Variants in C1GALT1 observed in about 807,000 individuals in gnomAD.
C1GALT1 encodes the protein glycoprotein-N-acetylgalactosamine 3-beta-galactosyltransferase 1.
A neutral mutation model predicts 31.0 loss-of-function variants in C1GALT1; 11 were observed. The observed-to-expected ratio is 0.36, with a 90% CI of 0.22 to 0.59. C1GALT1 has a LOEUF of 0.59. Among genes scored for constraint, C1GALT1 ranks in the 20% least tolerant of loss-of-function variants. The pLI is 0.79. For missense variants in C1GALT1, 424 were observed against 425.2 expected, an observed-to-expected ratio of 1.00 and a Z score of 0.03; for synonymous variants, 175 against 143.6, an observed-to-expected ratio of 1.22 and a Z score of -1.56.
rs140215738 is a variant in C1GALT1 at position 7,160,086 on chromosome 7, G to A, written c.-18+2660G>A. ...ATAAGTAAAACTAGTTAAATTTCCTGATTCTTACTCTTTCCCTCAGCTCTT... is the reference window on the plus strand; with the variant it reads ...ATAAGTAAAACTAGTTAAATTTCCTAATTCTTACTCTTTCCCTCAGCTCTT... On this transcript the variant is annotated intron_variant, in intron 2 of 3. Coordinates refer to the C1GALT1 transcript ENST00000429911. 4.4e-3 allele frequency among the ~76,000 whole-genome samples: 663 copies of A among 152,162 alleles called. 4 individuals carry two copies. Among genetic ancestry groups the A allele is most frequent in the African/African-American group, 0.015 (624 of 41,514 alleles).
At chr7:7,233,520 G>A (rs1261963165) in intron 1 of C1GALT1, among the ~76,000 whole-genome samples, 1 of 152,086 alleles carries the variant, frequency 6.6e-6, no homozygotes, top group Non-Finnish European at 1.5e-5. Flanking sequence ...TGATCCACCC[G>A]CCTTGGCCTC....
At chr7:7,192,264 C>G (rs1168098642) in intron 1 of C1GALT1, among the ~76,000 whole-genome samples, 2 of 151,870 alleles carry the variant, frequency 1.3e-5, no homozygotes, top group Non-Finnish European at 2.9e-5. Flanking sequence ...TACACAGTAC[C>G]CAATGTGTAG....
chr7:7,190,937 CATT>C (rs1223123653), intron 1 of C1GALT1, among the ~76,000 whole-genome samples: 1 of 152,078 alleles, frequency 6.6e-6, no homozygotes, highest in East Asian at 1.9e-4. Context: ...AAATCAACAT[CATT>C]ATCATTGATA....
At chr7:7,207,923 C>T (rs1034517182) in intron 1 of C1GALT1, among the ~76,000 whole-genome samples, 86 of 152,068 alleles carry the variant, frequency 5.7e-4, no homozygotes, top group Non-Finnish European at 8.8e-5. Context: ...CTCTTTATCC[C>T]TGCTTCCACT....
At chr7:7,203,828 ATCC>A (rs1315699548) in intron 1 of C1GALT1, among the ~76,000 whole-genome samples, 1 of 151,860 alleles carries the variant, frequency 6.6e-6, no homozygotes, top group African/African-American at 2.4e-5. Flanking sequence ...AACATTCAGT[ATCC>A]TCCTCCTAGC....
intron 2 of C1GALT1, 75 bp downstream of exon 2, chr7:7,234,614 TGTTA>T (rs747694469): frequency 1.8e-5 from 20 of 1,105,360 alleles, no homozygotes; most frequent in South Asian, 4.5e-5. Context: ...TGTCTGTATC[TGTTA>T]ATTAAAATGG....
intron 1 of C1GALT1, among the ~76,000 whole-genome samples, chr7:7,184,247 T>TAGTAAGGAAAGTATGACTC (rs1780719916): frequency 6.6e-6 from 1 of 152,236 alleles, no homozygotes; most frequent in Non-Finnish European, 1.5e-5. Context: ...AACAATGACT[T>TAGTAAGGAAAGTATGACTC]AGTAAGGAAA....
chr7:7,163,681 CAGAG>C (rs1163173015), intron 2 of C1GALT1, among the ~76,000 whole-genome samples: 4 of 152,132 alleles, frequency 2.6e-5, no homozygotes, highest in Non-Finnish European at 4.4e-5. Flanking sequence ...AACAGACAAA[CAGAG>C]AGCCAAACCA....
In C1GALT1 at chr7:7,238,515, G is replaced by A. The variant is rs200796468; in HGVS notation, c.481G>A (p.Asp161Asn). 3 of 1,614,094 alleles carry A rather than the reference G, an allele frequency of 1.9e-6. No individual in the cohort carries two copies. The highest frequency in any genetic ancestry group is 1.1e-5 in the South Asian group (1 of 91,072). ...GTATGTTCATGAACATTATTTAGAA[G>A]ATGCTGATTGGTTTTTGAAAGCAGA... is the stretch of plus-strand genomic sequence containing the variant. The part of the protein sequence containing the change: ...FQYVHEHYLE[D>N]ADWFLKADDD... Residue 161 changes from aspartate to asparagine, a missense_variant, in exon 3 of 4, where the codon GAT (aspartate) becomes AAT (asparagine). Physicochemically the swap from Asp to Asn is conservative, Grantham distance 23. This residue lies in a region of C1GALT1 where 44 missense variants were observed against 78.3 expected (regional missense o/e 0.56). Transcript: ENST00000436587. This position sits in a 1 kb window ranked among gnomAD's most constrained non-coding sequence, Gnocchi z 5.2.
At chr7:7,185,771 A>G (rs1780785523) in intron 1 of C1GALT1, among the ~76,000 whole-genome samples, 1 of 152,244 alleles carries the variant, frequency 6.6e-6, no homozygotes, top group Non-Finnish European at 1.5e-5. Context: ...TACTGGAATT[A>G]GGACTTCAAC....
At chr7:7,171,119 A>T (rs1485718405) in intron 2 of C1GALT1, among the ~76,000 whole-genome samples, 3 of 151,932 alleles carry the variant, frequency 2.0e-5, no homozygotes, top group Admixed American at 6.6e-5. Flanking sequence ...TACACATGTT[A>T]GGTCTAGTTG....
chr7:7,231,830 G>C (rs1167085216), intron 1 of C1GALT1, among the ~76,000 whole-genome samples: 1 of 151,654 alleles, frequency 6.6e-6, no homozygotes, highest in Non-Finnish European at 1.5e-5. Context: ...GGTTCTTCAT[G>C]ATTTTATATT....
chr7:7,188,774 TA>T (rs1256373974), intron 1 of C1GALT1, among the ~76,000 whole-genome samples: 1 of 151,556 alleles, frequency 6.6e-6, no homozygotes, highest in Non-Finnish European at 1.5e-5. Flanking sequence ...ATAAACCTTT[TA>T]TCTTATACAG....
upstream of C1GALT1, among the ~76,000 whole-genome samples, chr7:7,179,955 C>T (rs1015593692): frequency 6.6e-6 from 1 of 151,758 alleles, no homozygotes; most frequent in African/African-American, 2.4e-5. Flanking sequence ...CAGAAATTCA[C>T]TTTTATTTAA....
intron 1 of C1GALT1, among the ~76,000 whole-genome samples, chr7:7,195,612 G>T (rs1007274870): frequency 6.6e-6 from 1 of 152,084 alleles, no homozygotes; most frequent in Non-Finnish European, 1.5e-5. Flanking sequence ...TTTGGAGAAG[G>T]ATCCATGTGC....
At chr7:7,164,319 G>C (rs777016049) in intron 2 of C1GALT1, among the ~76,000 whole-genome samples, 77 of 152,114 alleles carry the variant, frequency 5.1e-4, no homozygotes, top group Non-Finnish European at 7.4e-4. Flanking sequence ...TTCTCATGTG[G>C]AACATTAATG....
intron 1 of C1GALT1, among the ~76,000 whole-genome samples, chr7:7,198,905 T>C (rs1321416358): frequency 1.3e-5 from 2 of 152,178 alleles, no homozygotes; most frequent in Non-Finnish European, 2.9e-5. Context: ...TTTTATTGCA[T>C]CTATTTGATT....
At chr7:7,200,988 C>G (rs1028944621) in intron 1 of C1GALT1, among the ~76,000 whole-genome samples, 1 of 152,194 alleles carries the variant, frequency 6.6e-6, no homozygotes, top group East Asian at 1.9e-4. Context: ...TTGTCTGAAG[C>G]CTTCTTCTCT....
At chr7:7,220,149 GT>G (rs1345396623) in intron 1 of C1GALT1, among the ~76,000 whole-genome samples, 6 of 152,192 alleles carry the variant, frequency 3.9e-5, no homozygotes, top group African/African-American at 1.4e-4. Flanking sequence ...TGTCTTTTGA[GT>G]TTTTTGTAGT....
Sources: allele counts gnomAD v4.1 joint callset (sites outside exome capture counted in the v4.1 genomes callset), GRCh38; gene constraint gnomAD v4.1.1; regional missense constraint gnomAD v4.1.1; non-coding constraint Gnocchi (gnomAD v3.1); transcripts MANE v1.5; gene names NCBI Gene and HGNC (gene_info 2026-07-23, HGNC 2026-07-21).